The following SAMSN1 variants were observed in gnomAD, a reference collection of about 807,000 sequenced individuals.
SAMSN1 encodes the protein SAM domain, SH3 domain and nuclear localization signals 1, also known as SAM domain-containing protein SAMSN-1.
A neutral mutation model predicts 42.0 loss-of-function variants in SAMSN1; 31 were observed. The ratio of observed to expected loss-of-function variants is 0.74; its 90% CI spans 0.55 to 1.00. SAMSN1 has a LOEUF of 1.00. SAMSN1 is among the 50% of genes least tolerant of loss of function. The probability of loss-of-function intolerance (pLI) is 0.00; values close to 1 mark genes in which losing one functional copy is unlikely to be tolerated. For synonymous variants in SAMSN1, 178 were observed against 151.9 expected (o/e 1.17, Z -1.26); for missense variants, 464 against 439.4 (o/e 1.06, Z -0.50).
At position 14,602,656 on chromosome 21, in the gene SAMSN1, CATTT is replaced by C. The variant is rs370024282; in HGVS notation, c.323-561_323-558del. ...TTTTAGCTCCTGCAAATGGGAGCTT[CATTT>C]ATTTAAGTCTGAAATATATGGTATG... On this transcript the variant is annotated intron_variant, in intron 5 of 15. Transcript: ENST00000647101. Among the ~76,000 whole-genome samples the C allele has an allele frequency of 7.6e-4, 116 of 152,264 alleles. 1 individual carries two copies. The South Asian group carries it at 8.3e-3, about 11-fold the overall frequency.
intron 5 of SAMSN1, among the ~76,000 whole-genome samples, chr21:14,606,765 TAGA>T (rs1294466793): frequency 6.6e-6 from 1 of 152,194 alleles, no homozygotes. Context: ...AAAATCTCCT[TAGA>T]AGAAGGAAAT....
intron 6 of SAMSN1, among the ~76,000 whole-genome samples, chr21:14,598,638 C>T (rs1982342047): frequency 1.3e-5 from 2 of 152,130 alleles, no homozygotes; most frequent in African/African-American, 4.8e-5. Flanking sequence ...TTTTGCCCTG[C>T]TACCTGATTC....
intron 1 of SAMSN1, among the ~76,000 whole-genome samples, chr21:14,525,559 CA>C (rs1342386450): frequency 6.6e-6 from 1 of 152,066 alleles, no homozygotes; most frequent in Non-Finnish European, 1.5e-5. Flanking sequence ...CCAAAAACAT[CA>C]AAAGACAACT....
At chr21:14,581,460 G>A (rs753699511) in intron 2 of SAMSN1, among the ~76,000 whole-genome samples, 5 of 137,712 alleles carry the variant, frequency 3.6e-5, no homozygotes, top group Non-Finnish European at 7.6e-5. Context: ...CTGGGTTCAC[G>A]CCATTCTTCC....
At chr21:14,635,950 T>C (rs889954304) in intron 2 of SAMSN1, among the ~76,000 whole-genome samples, 1 of 152,086 alleles carries the variant, frequency 6.6e-6, no homozygotes, top group Non-Finnish European at 1.5e-5. Flanking sequence ...CCTAATGCTA[T>C]CCCTCCCCCA....
chr21:14,515,255 G>C (rs377020103), intron 3 of SAMSN1, among the ~76,000 whole-genome samples: 2 of 152,154 alleles, frequency 1.3e-5, no homozygotes, highest in East Asian at 3.8e-4. Context: ...GATTGAAAAA[G>C]AGAATGGACA....
chr21:14,612,335 A>G (rs1356465002), intron 4 of SAMSN1, among the ~76,000 whole-genome samples: 2 of 152,244 alleles, frequency 1.3e-5, no homozygotes, highest in African/African-American at 4.8e-5. Flanking sequence ...AAGTAAAAAG[A>G]GAGATAATCT....
At chr21:14,554,520 C>A (rs1279818949) in intron 2 of SAMSN1, among the ~76,000 whole-genome samples, 7 of 151,766 alleles carry the variant, frequency 4.6e-5, no homozygotes, top group Non-Finnish European at 8.8e-5. Flanking sequence ...ATTCTGACTT[C>A]TTCTGTTTGC....
intron 1 of SAMSN1, among the ~76,000 whole-genome samples, chr21:14,523,958 C>G (rs1351013399): frequency 6.6e-6 from 1 of 152,186 alleles, no homozygotes; most frequent in African/African-American, 2.4e-5. Context: ...ACTAATTACT[C>G]AATAGCTTTA....
chr21:14,583,486 T>A (rs139033820), upstream of SAMSN1: 17 of 565,666 alleles, frequency 3.0e-5, no homozygotes, highest in African/African-American at 2.9e-4. Context: ...GGGGTAAAAT[T>A]CAGGAACAGA....
intron 5 of SAMSN1, among the ~76,000 whole-genome samples, chr21:14,609,287 CAT>C (rs998902777): frequency 3.3e-5 from 5 of 152,000 alleles, no homozygotes; most frequent in East Asian, 3.9e-4. Flanking sequence ...TATATATACA[CAT>C]ATATATATGT....
chr21:14,623,131 G>A (rs1983060293), intron 2 of SAMSN1, among the ~76,000 whole-genome samples: 1 of 152,150 alleles, frequency 6.6e-6, no homozygotes, highest in Non-Finnish European at 1.5e-5. Flanking sequence ...ACTAAACATG[G>A]AAAGGAACAA....
At chr21:14,562,102 T>C (rs531020415) in intron 2 of SAMSN1, among the ~76,000 whole-genome samples, 1 of 152,256 alleles carries the variant, frequency 6.6e-6, no homozygotes, top group East Asian at 1.9e-4. Flanking sequence ...AGTGTAGAGC[T>C]GAATGTAAGG....
intron 7 of SAMSN1, among the ~76,000 whole-genome samples, chr21:14,497,441 A>G (rs770085809): frequency 5.9e-5 from 9 of 152,090 alleles, no homozygotes; most frequent in Non-Finnish European, 1.3e-4. Context: ...CTAAAAATAC[A>G]AAAATTAGCC....
intron 6 of SAMSN1, among the ~76,000 whole-genome samples, chr21:14,598,477 A>T (rs1255247709): frequency 6.6e-6 from 1 of 152,198 alleles, no homozygotes; most frequent in Non-Finnish European, 1.5e-5. Context: ...GTGTATGATC[A>T]CATTTCTAAG....
At chr21:14,546,421 G>A (rs1479135221), upstream of SAMSN1, 18 of 1,244,950 alleles carry the variant, frequency 1.4e-5, no homozygotes, top group Non-Finnish European at 1.9e-5. Flanking sequence ...ACATTTACAT[G>A]GGTAATTTTT....
chr21:14,497,834 T>A (rs1479296216), intron 7 of SAMSN1, among the ~76,000 whole-genome samples: 1 of 152,216 alleles, frequency 6.6e-6, no homozygotes, highest in Non-Finnish European at 1.5e-5. Context: ...CTATCCTATC[T>A]TTACAAGCCT....
intron 2 of SAMSN1, among the ~76,000 whole-genome samples, chr21:14,577,878 A>G (rs1981559370): frequency 6.6e-6 from 1 of 152,156 alleles, no homozygotes; most frequent in Non-Finnish European, 1.5e-5. Flanking sequence ...TCAATTCCAT[A>G]ATCACAAATA....
intron 5 of SAMSN1, among the ~76,000 whole-genome samples, chr21:14,502,898 C>A (rs1395904433): frequency 6.6e-6 from 1 of 152,108 alleles, no homozygotes; most frequent in Non-Finnish European, 1.5e-5. Context: ...CATAATATAT[C>A]ATAATTATTA....
Sources: allele counts gnomAD v4.1 joint callset (sites outside exome capture counted in the v4.1 genomes callset), GRCh38; gene constraint gnomAD v4.1.1; transcripts MANE v1.5; gene names NCBI Gene and HGNC (gene_info 2026-07-23, HGNC 2026-07-21).